The following SCHIP1 variants were observed in gnomAD, a reference collection of about 807,000 sequenced individuals.
SCHIP1 encodes schwannomin-interacting protein 1.
Under a neutral mutation model 29.7 loss-of-function variants are expected in SCHIP1, and 8 were observed. The ratio of observed to expected loss-of-function variants is 0.27; its 90% CI spans 0.16 to 0.49. SCHIP1 has a LOEUF of 0.49. Ranked by LOEUF, SCHIP1 falls within the 20% of genes least tolerant of loss-of-function variation. The pLI, the probability that SCHIP1 is intolerant of heterozygous loss-of-function variation, is 0.99. For missense variants in SCHIP1, 193 were observed against 294.6 expected (o/e 0.66, Z 2.52); for synonymous variants, 76 against 94.9 (o/e 0.80, Z 1.16).
chr3:159,699,228 C>T, the SCHIP1 span, among the ~76,000 whole-genome samples: 1 of 152,192 alleles, frequency 6.6e-6, no homozygotes, highest in Admixed American at 6.5e-5. Context: ...TGCTCTATCA[C>T]ATTTAATCTT....
At chr3:159,740,230 A>T in the SCHIP1 span, among the ~76,000 whole-genome samples, 8 of 152,234 alleles carry the variant, frequency 5.3e-5, no homozygotes, top group African/African-American at 1.9e-4. Context: ...TCCTGTCCCC[A>T]GGCTGAGCTG....
At chr3:159,596,514 G>A in the SCHIP1 span, among the ~76,000 whole-genome samples, 1 of 152,072 alleles carries the variant, frequency 6.6e-6, no homozygotes, top group African/African-American at 2.4e-5. Context: ...GTTTATTGTG[G>A]CACTATTCAC....
the SCHIP1 span, among the ~76,000 whole-genome samples, chr3:159,819,207 T>C: frequency 1.3e-5 from 2 of 152,018 alleles, no homozygotes; most frequent in Non-Finnish European, 2.9e-5. Context: ...CCAGTGCTGG[T>C]GATCAGAGAG....
chr3:159,425,446 G>A, the SCHIP1 span, among the ~76,000 whole-genome samples: 3 of 151,830 alleles, frequency 2.0e-5, no homozygotes, highest in East Asian at 3.9e-4. Flanking sequence ...AGACAAAGAA[G>A]GCCATTACAT....
At chr3:159,820,208 G>T in the SCHIP1 span, among the ~76,000 whole-genome samples, 1 of 152,098 alleles carries the variant, frequency 6.6e-6, no homozygotes, top group South Asian at 2.1e-4. Context: ...GGCCCCAAAA[G>T]AGCAACCCTA....
At chr3:159,839,628 C>CTTTTTTTTTTTTT (rs3068349), upstream of SCHIP1, among the ~76,000 whole-genome samples, 17 of 71,712 alleles carry the variant, frequency 2.4e-4, no homozygotes, top group Non-Finnish European at 3.4e-4. Flanking sequence ...AGGTCTTTTT[C>CTTTTTTTTTTTTT]TTTTTTTTTT....
chr3:159,875,254 T>C lies in SCHIP1; in HGVS notation c.149+8973T>C, dbSNP rs3773782. 2.4e-3 allele frequency among the ~76,000 whole-genome samples: 359 copies of C among 152,348 alleles called. 6 individuals carry two copies. In the East Asian group the frequency reaches 0.053, roughly 23 times the overall value. On this transcript the variant is annotated intron_variant, in intron 2 of 6. Coordinates refer to ENST00000445224, the Ensembl canonical transcript of SCHIP1. ...GAAATTTTCTTTGTCTAATAAATAG[T>C]CTCACTTTACAATAACACCAATGAC...
chr3:159,683,033 CAG>C, the SCHIP1 span, among the ~76,000 whole-genome samples: 75 of 152,222 alleles, frequency 4.9e-4, no homozygotes, highest in East Asian at 0.013. Flanking sequence ...CCTATTGACT[CAG>C]AATTTCTGGG....
At chr3:159,557,568 C>A in the SCHIP1 span, among the ~76,000 whole-genome samples, 1 of 152,184 alleles carries the variant, frequency 6.6e-6, no homozygotes, top group Non-Finnish European at 1.5e-5. Context: ...GTAATCCCAT[C>A]GTGTTGGGAG....
chr3:159,426,347 G>A, the SCHIP1 span, among the ~76,000 whole-genome samples: 1 of 151,874 alleles, frequency 6.6e-6, no homozygotes, highest in African/African-American at 2.4e-5. Context: ...AATGACAAAG[G>A]GGATATCACC....
chr3:159,853,456 A>C (rs1352383017), intron 1 of SCHIP1: 1 of 697,246 alleles, frequency 1.4e-6, no homozygotes, highest in East Asian at 2.7e-5. Context: ...AATTATAAAA[A>C]GGTAAGGGGG....
chr3:159,696,265 A>T, the SCHIP1 span, among the ~76,000 whole-genome samples: 1 of 152,156 alleles, frequency 6.6e-6, no homozygotes, highest in Non-Finnish European at 1.5e-5. Context: ...CATACAGGAC[A>T]GTGTGTAGCT....
At chr3:159,662,597 G>C in the SCHIP1 span, among the ~76,000 whole-genome samples, 1 of 152,184 alleles carries the variant, frequency 6.6e-6, no homozygotes, top group South Asian at 2.1e-4. Flanking sequence ...CTGTGTGTAT[G>C]CTTTTAAAAC....
At chr3:159,515,018 T>G in the SCHIP1 span, among the ~76,000 whole-genome samples, 1 of 152,056 alleles carries the variant, frequency 6.6e-6, no homozygotes, top group East Asian at 1.9e-4. Context: ...TATCAGGAAA[T>G]CCTCTCATAT....
chr3:159,389,885 A>G, the SCHIP1 span, among the ~76,000 whole-genome samples: 5 of 152,208 alleles, frequency 3.3e-5, no homozygotes, highest in East Asian at 1.9e-4. Context: ...AGAAACAGAT[A>G]TTAATGCAAA....
chr3:159,628,289 C>T, the SCHIP1 span, among the ~76,000 whole-genome samples: 2 of 152,278 alleles, frequency 1.3e-5, no homozygotes, highest in African/African-American at 4.8e-5. Flanking sequence ...GGGTTAGGGT[C>T]GAATTGTGGA....
the SCHIP1 span, among the ~76,000 whole-genome samples, chr3:159,740,118 C>T: frequency 1.3e-5 from 2 of 152,218 alleles, no homozygotes; most frequent in South Asian, 2.1e-4. Flanking sequence ...CCCAGACTGA[C>T]CTCAGTGTGT....
the SCHIP1 span, among the ~76,000 whole-genome samples, chr3:159,372,738 A>G: frequency 1.1e-4 from 17 of 152,108 alleles, no homozygotes; most frequent in Admixed American, 1.1e-3. Flanking sequence ...AAAAATCAAA[A>G]GAGTAATAAT....
chr3:159,393,578 C>A, the SCHIP1 span, among the ~76,000 whole-genome samples: 2 of 150,360 alleles, frequency 1.3e-5, no homozygotes, highest in African/African-American at 4.9e-5. Context: ...GGAATCCTTT[C>A]CCCATTGCTT....
Sources: allele counts gnomAD v4.1 joint callset (sites outside exome capture counted in the v4.1 genomes callset), GRCh38; gene constraint gnomAD v4.1.1; transcripts MANE v1.5; gene names NCBI Gene and HGNC (gene_info 2026-07-23, HGNC 2026-07-21).